Variants in KSR2 observed in about 807,000 individuals in gnomAD.
KSR2 encodes the protein kinase suppressor of ras 2.
In KSR2, 25 loss-of-function variants were observed where a neutral mutation model predicts 107.8. The ratio of observed to expected loss-of-function variants is 0.23; its 90% confidence interval spans 0.17 to 0.32. KSR2 has a LOEUF of 0.32. KSR2 is among the 10% of genes least tolerant of loss of function. KSR2 has a pLI of 1.00. For missense variants in KSR2, 887 were observed against 1,268.9 expected (o/e 0.70, Z 4.57); for synonymous variants, 480 against 507.0 (o/e 0.95, Z 0.71).
intron 4 of KSR2, among the ~76,000 whole-genome samples, chr12:117,699,895 CAG>C (rs1345179432): frequency 6.6e-6 from 1 of 152,102 alleles, no homozygotes; most frequent in Non-Finnish European, 1.5e-5. Context: ...TTCCTTGAGA[CAG>C]AGTCTCACTC....
intron 14 of KSR2, among the ~76,000 whole-genome samples, chr12:117,522,539 T>C (rs1221419546): frequency 1.3e-5 from 2 of 152,170 alleles, no homozygotes; most frequent in African/African-American, 2.4e-5. Context: ...GGCCTCTCTG[T>C]AGTAAATCGC....
At chr12:117,507,055 AGT>A (rs1431954749) in intron 14 of KSR2, among the ~76,000 whole-genome samples, 1 of 152,202 alleles carries the variant, frequency 6.6e-6, no homozygotes, top group Admixed American at 6.5e-5. Flanking sequence ...AAAGGAAAAA[AGT>A]CTCTCATTTT....
chr12:117,585,407 G>A (rs187119109), intron 5 of KSR2, among the ~76,000 whole-genome samples: 7 of 152,272 alleles, frequency 4.6e-5, no homozygotes, highest in African/African-American at 1.7e-4. Context: ...AAAAATAGAT[G>A]TAATTAAGTT....
At chr12:117,677,803 C>T (rs1016505942) in intron 4 of KSR2, among the ~76,000 whole-genome samples, 1 of 152,132 alleles carries the variant, frequency 6.6e-6, no homozygotes, top group African/African-American at 2.4e-5. Flanking sequence ...GTCTCCAAGG[C>T]CTAGAAAAAT....
At chr12:117,908,645 AATC>A (rs760749805) in intron 1 of KSR2, among the ~76,000 whole-genome samples, 10 of 152,214 alleles carry the variant, frequency 6.6e-5, no homozygotes, top group Non-Finnish European at 7.3e-5. Context: ...TTGCATGTGA[AATC>A]ATACAACTGC....
intron 14 of KSR2, among the ~76,000 whole-genome samples, chr12:117,512,265 C>G (rs1874070857): frequency 6.6e-6 from 1 of 152,186 alleles, no homozygotes; most frequent in Non-Finnish European, 1.5e-5. Flanking sequence ...CTGACCACTC[C>G]CCTTGCTGGA....
chr12:117,525,327 C>T (rs1031062315), intron 13 of KSR2, 108 bp from the exon 14 acceptor site: 58 of 1,272,732 alleles, frequency 4.6e-5, no homozygotes, highest in Non-Finnish European at 6.0e-5. Context: ...CACATCTCTA[C>T]ATGCATTTGG....
At chr12:117,523,402 G>C (rs1874893456) in intron 14 of KSR2, among the ~76,000 whole-genome samples, 1 of 152,256 alleles carries the variant, frequency 6.6e-6, no homozygotes, top group African/African-American at 2.4e-5. Flanking sequence ...CCATTGCAGA[G>C]GCCAGTCCTT....
intron 4 of KSR2, among the ~76,000 whole-genome samples, chr12:117,731,191 C>A: frequency 6.6e-6 from 1 of 150,638 alleles, no homozygotes; most frequent in South Asian, 2.1e-4. Context: ...GTGTCTCTGC[C>A]CGGCCGCCAC....
intron 14 of KSR2, among the ~76,000 whole-genome samples, chr12:117,519,543 A>G (rs928696125): frequency 6.6e-6 from 1 of 152,076 alleles, no homozygotes; most frequent in Non-Finnish European, 1.5e-5. Flanking sequence ...GAGTTCTACA[A>G]AATAATTTGG....
In KSR2 at chr12:117,464,304, G is replaced by C. The variant is rs570605489; in HGVS notation, c.*2895C>G. ...GGGAAGCCCATGTATATGACGGTTTGCTAAAAGCAAGACTGACTGGAACAA... is the reference window on the plus strand; with the variant it reads ...GGGAAGCCCATGTATATGACGGTTTCCTAAAAGCAAGACTGACTGGAACAA... On this transcript the variant is annotated 3_prime_UTR_variant, in exon 20 of 20. Coordinates refer to ENST00000339824, the MANE Select transcript of KSR2 (RefSeq NM_173598.6). 7.7e-4 allele frequency: 117 copies of C among 152,346 alleles called. 1 individual carries two copies. Among genetic ancestry groups the C allele is most frequent in the African/African-American group, 2.6e-3 (110 of 41,586 alleles). 9.4% of individuals were successfully genotyped at this position (152,346 alleles called of 1,614,324 possible). A position where few individuals can be genotyped will look rare whatever the true frequency, so the allele number is the denominator to read the frequency against.
chr12:117,941,251 C>T (rs1895995883), intron 1 of KSR2, among the ~76,000 whole-genome samples: 1 of 151,974 alleles, frequency 6.6e-6, no homozygotes. Context: ...CCCAAACATT[C>T]CACTTCTGCC....
At chr12:117,966,416 C>G (rs1296042951) in intron 1 of KSR2, among the ~76,000 whole-genome samples, 2 of 152,052 alleles carry the variant, frequency 1.3e-5, no homozygotes, top group Non-Finnish European at 2.9e-5. Flanking sequence ...TTTCTTCCAG[C>G]AACAGAGCTC....
At chr12:117,491,553 C>T (rs953161457) in intron 14 of KSR2, among the ~76,000 whole-genome samples, 11 of 152,158 alleles carry the variant, frequency 7.2e-5, no homozygotes, top group African/African-American at 2.7e-4. Flanking sequence ...TTGTCACACA[C>T]GATAGGATTT....
chr12:117,759,343 C>T (rs1888913362), intron 4 of KSR2, among the ~76,000 whole-genome samples: 2 of 152,178 alleles, frequency 1.3e-5, no homozygotes, highest in Admixed American at 1.3e-4. Flanking sequence ...TGGTTTTGTG[C>T]TACATGATAG....
intron 4 of KSR2, among the ~76,000 whole-genome samples, chr12:117,669,995 C>A (rs555018462): frequency 6.6e-6 from 1 of 151,884 alleles, no homozygotes; most frequent in Admixed American, 6.6e-5. Flanking sequence ...TGAATTGTTT[C>A]TTTTTTTTCT....
chr12:117,482,557 T>A lies in KSR2; in HGVS notation c.2450+1859A>T, dbSNP rs115642127. 4.3e-3 allele frequency among the ~76,000 whole-genome samples: 653 copies of A among 151,890 alleles called. 3 individuals carry two copies. The highest frequency in any genetic ancestry group is 0.015 in the African/African-American group (629 of 41,448). ...GTTGACAACCTGGCTGGGGCAGGGG[T>A]GGGAGGGGCTGCTCTCTGGACAAGG... is the stretch of plus-strand genomic sequence containing the variant. On this transcript the variant is annotated intron_variant, in intron 16 of 19. Transcript: ENST00000339824.
intron 16 of KSR2, among the ~76,000 whole-genome samples, chr12:117,481,426 C>T (rs1308219204): frequency 6.6e-6 from 1 of 152,128 alleles, no homozygotes; most frequent in Non-Finnish European, 1.5e-5. Context: ...GGAGAGACAT[C>T]AGAGACCTCT....
At chr12:117,835,123 T>C (rs891128129) in intron 3 of KSR2, among the ~76,000 whole-genome samples, 1 of 152,088 alleles carries the variant, frequency 6.6e-6, no homozygotes, top group Non-Finnish European at 1.5e-5. Flanking sequence ...AGTGAGGCCA[T>C]GTGGCTGACC....
Sources: gnomAD v4.1 joint callset for allele counts (sites outside exome capture counted in the v4.1 genomes callset) on GRCh38, gnomAD v4.1.1 for gene constraint, MANE v1.5 for transcripts, NCBI Gene and HGNC (gene_info 2026-07-23, HGNC 2026-07-21) for gene names.